The following ZFHX3 variants were observed in gnomAD, a reference collection of about 807,000 sequenced individuals.
ZFHX3 encodes zinc finger homeobox 3, also known as zinc finger homeobox protein 3.
Under a neutral mutation model 279.1 loss-of-function variants are expected in ZFHX3, and 42 were observed. That is an observed-to-expected ratio of 0.15 (90% CI 0.12 to 0.19). The LOEUF (loss-of-function observed/expected upper bound fraction) is 0.19. Ranked by LOEUF, ZFHX3 falls within the 10% of genes least tolerant of loss-of-function variation. The pLI is 1.00. For synonymous variants in ZFHX3, 2,293 were observed against 1,957.8 expected (o/e 1.17, Z -4.52); for missense variants, 4,981 against 4,754.0 (o/e 1.05, Z -1.40).
At chr16:73,310,971 G>T (rs982622528) in intron 4 of ZFHX3, among the ~76,000 whole-genome samples, 1 of 151,822 alleles carries the variant, frequency 6.6e-6, no homozygotes. Context: ...AGTGGCTCAC[G>T]CCTGTAATCC....
chr16:73,316,557 C>T (rs753292480), intron 4 of ZFHX3, among the ~76,000 whole-genome samples: 4 of 152,206 alleles, frequency 2.6e-5, no homozygotes, highest in Non-Finnish European at 4.4e-5. Context: ...TCTTTTCCAA[C>T]GGTTTCATGT....
intron 2 of ZFHX3, among the ~76,000 whole-genome samples, chr16:73,530,568 T>A (rs193276216): frequency 6.6e-4 from 100 of 152,256 alleles, no homozygotes; most frequent in African/African-American, 2.3e-3. Context: ...CCCAAAATGA[T>A]GCCAAAGGGG....
chr16:73,560,990 C>T (rs2020361217), intron 2 of ZFHX3, among the ~76,000 whole-genome samples: 1 of 152,086 alleles, frequency 6.6e-6, no homozygotes, highest in Non-Finnish European at 1.5e-5. Context: ...TAATTAGGGC[C>T]ACCACATAAC....
At chr16:73,175,968 G>A (rs1245736105) in intron 5 of ZFHX3, among the ~76,000 whole-genome samples, 1 of 152,172 alleles carries the variant, frequency 6.6e-6, no homozygotes, top group Non-Finnish European at 1.5e-5. Flanking sequence ...ATGCATAAAT[G>A]AATGAATGTA....
chr16:73,439,909 C>CAAAAAAAAAAAA (rs71156164), intron 3 of ZFHX3, among the ~76,000 whole-genome samples: 65 of 75,392 alleles, frequency 8.6e-4, no homozygotes, highest in South Asian at 1.2e-3. Flanking sequence ...GGGAGAGGGA[C>CAAAAAAAAAAAA]AAAAAAAAAA....
chr16:73,251,298 G>A (rs1173707141), intron 5 of ZFHX3, among the ~76,000 whole-genome samples: 1 of 152,128 alleles, frequency 6.6e-6, no homozygotes, highest in Non-Finnish European at 1.5e-5. Context: ...GCTAAACAGT[G>A]AATCACTAAG....
intron 3 of ZFHX3, among the ~76,000 whole-genome samples, chr16:72,915,491 G>A (rs1453449076): frequency 6.6e-6 from 1 of 152,186 alleles, no homozygotes; most frequent in African/African-American, 2.4e-5. Context: ...GAGGCTACGT[G>A]CAGTGGCTCA....
intron 4 of ZFHX3, among the ~76,000 whole-genome samples, chr16:73,310,825 A>G (rs1597277571): frequency 6.6e-6 from 1 of 152,242 alleles, no homozygotes; most frequent in South Asian, 2.1e-4. Flanking sequence ...GTTTTCAATT[A>G]TAACTTGATA....
intron 4 of ZFHX3, among the ~76,000 whole-genome samples, chr16:72,865,838 G>T (rs748425740): frequency 2.2e-4 from 34 of 152,094 alleles, no homozygotes; most frequent in Admixed American, 5.9e-4. Context: ...TCATGGTTAC[G>T]CCACTCATGC....
intron 3 of ZFHX3, among the ~76,000 whole-genome samples, chr16:73,454,262 T>C (rs1341134811): frequency 6.6e-6 from 1 of 152,170 alleles, no homozygotes; most frequent in East Asian, 1.9e-4. Context: ...GTCTCAATCT[T>C]GGGTACCCAT....
intron 1 of ZFHX3, among the ~76,000 whole-genome samples, chr16:73,732,394 G>A (rs4131166): frequency 6.6e-6 from 1 of 152,178 alleles, no homozygotes; most frequent in Non-Finnish European, 1.5e-5. Context: ...AATAAACAGT[G>A]AAATACAAAC....
chr16:73,030,661 G>C (rs1964666727), intron 1 of ZFHX3, among the ~76,000 whole-genome samples: 1 of 152,082 alleles, frequency 6.6e-6, no homozygotes, highest in Non-Finnish European at 1.5e-5. Context: ...AGAAGAAACA[G>C]GAAGCATGAG....
intron 1 of ZFHX3, chr16:73,005,550 T>A (rs567217053): frequency 6.6e-6 from 1 of 152,298 alleles, no homozygotes; most frequent in South Asian, 2.1e-4. Context: ...TCCCAGCACT[T>A]TGGGAGGCCG....
At chr16:73,877,794 C>T (rs2030002450) in intron 1 of ZFHX3, among the ~76,000 whole-genome samples, 1 of 151,974 alleles carries the variant, frequency 6.6e-6, no homozygotes, top group Non-Finnish European at 1.5e-5. Flanking sequence ...GGAAGCCTCA[C>T]AGATAAAAAG....
At chr16:73,095,828 C>T (rs74028025) in intron 7 of ZFHX3, among the ~76,000 whole-genome samples, 10,228 of 152,146 alleles carry the variant, frequency 0.067, 1,000 homozygotes, top group African/African-American at 0.21. Context: ...TGAAAGAAGG[C>T]GGTGGGTGGA....
chr16:73,569,382 C>CTT (rs542449690), intron 2 of ZFHX3, among the ~76,000 whole-genome samples: 16 of 141,066 alleles, frequency 1.1e-4, no homozygotes, highest in East Asian at 4.1e-4. Flanking sequence ...ATCATGGCTG[C>CTT]TTTTTTTTTT....
chr16:72,853,066 A>C (rs936104263), intron 4 of ZFHX3, among the ~76,000 whole-genome samples: 1 of 152,208 alleles, frequency 6.6e-6, no homozygotes, highest in Admixed American at 6.5e-5. Context: ...TTGGACAAGA[A>C]AATCACCTCT....
intron 4 of ZFHX3, among the ~76,000 whole-genome samples, chr16:72,832,091 T>A (rs757079812): frequency 6.6e-6 from 1 of 152,148 alleles, no homozygotes; most frequent in Non-Finnish European, 1.5e-5. Flanking sequence ...CACCCTGAGA[T>A]GGTGATGTGC....
chr16:73,692,684 C>T (rs529667533), intron 1 of ZFHX3, among the ~76,000 whole-genome samples: 3 of 152,248 alleles, frequency 2.0e-5, no homozygotes, highest in East Asian at 1.9e-4. Flanking sequence ...TTAGAGTTCA[C>T]GATGGAACAA....
Sources: gnomAD v4.1 joint callset for allele counts (sites outside exome capture counted in the v4.1 genomes callset) on GRCh38, gnomAD v4.1.1 for gene constraint, MANE v1.5 for transcripts, NCBI Gene and HGNC (gene_info 2026-07-23, HGNC 2026-07-21) for gene names.